PKNOX1: variants seen among roughly 807,000 people sequenced by gnomAD.
PKNOX1 encodes PBX/knotted 1 homeobox 1, also known as homeobox protein PKNOX1.
Under a neutral mutation model 51.9 loss-of-function variants are expected in PKNOX1, and 15 were observed. That is an observed-to-expected ratio of 0.29 (90% CI 0.19 to 0.45). The LOEUF is 0.45. Ranked by LOEUF, PKNOX1 falls within the 20% of genes least tolerant of loss-of-function variation. The probability of loss-of-function intolerance (pLI) is 1.00; values close to 1 mark genes in which losing one functional copy is unlikely to be tolerated. For synonymous variants in PKNOX1, 219 were observed against 211.1 expected (o/e 1.04, Z -0.32); for missense variants, 462 against 547.5 (o/e 0.84, Z 1.56).
intron 1 of PKNOX1, among the ~76,000 whole-genome samples, chr21:42,993,363 C>A (rs2059099001): frequency 6.6e-6 from 1 of 152,160 alleles, no homozygotes; most frequent in African/African-American, 2.4e-5. Flanking sequence ...AGCTTCCAGG[C>A]GCCTTGAGTG....
intron 1 of PKNOX1, among the ~76,000 whole-genome samples, chr21:42,987,251 G>A (rs1302096204): frequency 6.6e-6 from 1 of 150,652 alleles, no homozygotes; most frequent in South Asian, 2.1e-4. Flanking sequence ...GCGTGGTGGC[G>A]CATGCCTGTA....
At chr21:42,981,942 T>C (rs1157779762) in intron 1 of PKNOX1, among the ~76,000 whole-genome samples, 1 of 152,236 alleles carries the variant, frequency 6.6e-6, no homozygotes, top group African/African-American at 2.4e-5. Context: ...GTTTGTGCTC[T>C]GGCAGGATCC....
chr21:42,985,390 A>G (rs954733376), intron 1 of PKNOX1, among the ~76,000 whole-genome samples: 7 of 152,006 alleles, frequency 4.6e-5, no homozygotes, highest in African/African-American at 1.7e-4. Flanking sequence ...GTTGGAGTGC[A>G]GGGGAGTGAT....
intron 5 of PKNOX1, among the ~76,000 whole-genome samples, chr21:43,014,019 CT>C (rs149943829): frequency 3.2e-3 from 390 of 120,404 alleles, no homozygotes; most frequent in African/African-American, 0.01. Context: ...TGTCTTTTGC[CT>C]TTTTTTTTTT....
intron 4 of PKNOX1, among the ~76,000 whole-genome samples, chr21:43,012,397 T>C (rs1979293211): frequency 6.6e-6 from 1 of 151,974 alleles, no homozygotes; most frequent in Admixed American, 6.6e-5. Flanking sequence ...CCATCTCTAC[T>C]AAAAATACAA....
At chr21:42,981,236 G>A (rs1368101777) in intron 1 of PKNOX1, among the ~76,000 whole-genome samples, 1 of 152,240 alleles carries the variant, frequency 6.6e-6, no homozygotes, top group Non-Finnish European at 1.5e-5. Context: ...GCACTCAAGG[G>A]CTGAGAGGCA....
At chr21:43,005,661 T>G (rs1323908253) in intron 2 of PKNOX1, among the ~76,000 whole-genome samples, 1 of 151,924 alleles carries the variant, frequency 6.6e-6, no homozygotes, top group Non-Finnish European at 1.5e-5. Flanking sequence ...GTCTGGCCCC[T>G]CTGGACCCCA....
chr21:43,030,270 TGTGTGTGTGTGTGTGTGTGTGTGC>T lies in PKNOX1; in HGVS notation c.*177_*200del. 3.2e-4 allele frequency: 3 copies of T among 9,338 alleles called. No homozygotes were observed. The highest frequency in any genetic ancestry group is 9.7e-4 in the South Asian group (1 of 1,026). The allele number at this position is 9,338 out of a possible 1,614,324, so 0.6% of individuals were successfully genotyped here. A position where few individuals can be genotyped will look rare whatever the true frequency, so the allele number is the denominator to read the frequency against. ...CAGCGACTTCTTTCAAGTGTGTGTG[TGTGTGTGTGTGTGTGTGTGTGTGC>T]GTGTGTGCGTGTGTGTGGATTTTTA... On this transcript the variant is annotated 3_prime_UTR_variant, in exon 11 of 11. Coordinates refer to ENST00000291547, the MANE Select transcript of PKNOX1 (RefSeq NM_004571.5).
rs1980321727 is a variant in PKNOX1 at position 43,032,529 on chromosome 21, A to C, written c.*2428A>C. On this transcript the variant is annotated 3_prime_UTR_variant, in exon 11 of 11. Coordinates refer to ENST00000291547, the MANE Select transcript of PKNOX1 (RefSeq NM_004571.5). Reference sequence around the variant, plus strand: ...GCTACTCGGGAGTCTGAGGCAGAGGATGGCATGTGCCAGGAGTTTGAGGCT... The same window carrying C: ...GCTACTCGGGAGTCTGAGGCAGAGGCTGGCATGTGCCAGGAGTTTGAGGCT... 4.6e-6 allele frequency: 1 copy of C among 218,724 alleles called. No individual in the cohort carries two copies. Among genetic ancestry groups the C allele is most frequent in the Non-Finnish European group, 9.6e-6 (1 of 104,490 alleles). The allele number at this position is 218,724 out of a possible 1,614,324, so 13.5% of individuals were successfully genotyped here. A position where few individuals can be genotyped will look rare whatever the true frequency, so the allele number is the denominator to read the frequency against.
intron 7 of PKNOX1, among the ~76,000 whole-genome samples, chr21:43,018,526 A>C (rs945036695): frequency 9.4e-6 from 1 of 106,228 alleles, no homozygotes; most frequent in Non-Finnish European, 1.8e-5. Flanking sequence ...ACACACACAG[A>C]GTTATCCAGT....
In PKNOX1 at chr21:42,977,384, C is replaced by T. The variant is rs11908962; in HGVS notation, c.-57+2720C>T. ...TGTCTATATTGAAAATCTGCTTTTT[C>T]GTCTCGCTGCCTTCATCAATGATCT... On this transcript the variant is annotated intron_variant, in intron 1 of 10. Transcript: ENST00000291547. Among the ~76,000 whole-genome samples the T allele has an allele frequency of 4.5e-3, 689 of 152,192 alleles. 4 individuals carry two copies. The highest frequency in any genetic ancestry group is 0.014 in the African/African-American group (587 of 41,524).
rs373731410 is a variant in PKNOX1 at position 43,010,789 on chromosome 21, A to C, written c.351+565A>C. ...TGAGGCAGGAGAATCACTTGAACGC[A>C]GGAGGCGGAAGTTGCAGTGAGCCGA... On this transcript the variant is annotated intron_variant, in intron 4 of 10. Coordinates refer to ENST00000291547, the MANE Select transcript of PKNOX1 (RefSeq NM_004571.5). Among the ~76,000 whole-genome samples, 8 of 152,098 alleles carry C rather than the reference A, an allele frequency of 5.3e-5. No homozygotes were observed. In the South Asian group the frequency reaches 6.2e-4, roughly 12 times the overall value.
rs368969506 is a variant in PKNOX1 at position 43,022,204 on chromosome 21, C to T, written c.849+773C>T. 1.6e-4 allele frequency among the ~76,000 whole-genome samples: 25 copies of T among 152,356 alleles called. No homozygotes were observed. In the East Asian group the frequency reaches 2.9e-3, roughly 18 times the overall value. On this transcript the variant is annotated intron_variant, in intron 8 of 10. Coordinates refer to ENST00000291547, the MANE Select transcript of PKNOX1 (RefSeq NM_004571.5). ...TGTTGTGAGGCTGTGGCCATATCCG[C>T]CTGTGTCCCAGCCTCCTCCTCCTCG...
Position 43,013,203 on chromosome 21 carries a change from G to A in PKNOX1, c.487G>A (p.Glu163Lys), listed in dbSNP as rs772904241. 1.9e-6 allele frequency: 3 copies of A among 1,613,660 alleles called. No individual in the cohort carries two copies. Among genetic ancestry groups the A allele is most frequent in the South Asian group, 2.2e-5 (2 of 90,994 alleles). The change falls in exon 5 of 11, where the codon GAG becomes AAG. Residue 163 changes from glutamate to lysine, a missense_variant. By Grantham distance (56) the Glu-to-Lys change is moderately conservative (BLOSUM62 1). Transcript: ENST00000291547. ...KMNSETLLSG[E>K]PGSPYSPVQS... ...GAACAGTGAAACTCTGTTGAGTGGA[G>A]AGCCTGGAAGCCCGTACTCACCAGT...
chr21:43,023,259 A>G (rs984076436), intron 8 of PKNOX1, among the ~76,000 whole-genome samples: 2 of 152,020 alleles, frequency 1.3e-5, no homozygotes, highest in African/African-American at 2.4e-5. Flanking sequence ...GCTCAGAGCC[A>G]CACACTCATT....
intron 1 of PKNOX1, among the ~76,000 whole-genome samples, chr21:43,001,401 C>T (rs1409521497): frequency 6.6e-6 from 1 of 152,206 alleles, no homozygotes; most frequent in Non-Finnish European, 1.5e-5. Context: ...GCAGCACCCT[C>T]AGCCCCACTC....
Position 43,029,916 on chromosome 21 carries a change from G to T in PKNOX1, c.1126G>T (p.Val376Leu), listed in dbSNP as rs765836231. ...EGAVVTITTP[V>L]NMNVDSLQSL... The stretch of plus-strand genomic sequence containing the variant: ...AGCTGTTGTCACCATCACCACGCCC[G>T]TGAACATGAACGTGGACAGCCTTCA... The change falls in exon 11 of 11, where the codon GTG becomes TTG. Residue 376 changes from valine to leucine, a missense_variant. This residue lies in a region of PKNOX1 where 118 missense variants were observed against 116.8 expected (regional missense o/e 1.01). Coordinates refer to ENST00000291547, the MANE Select transcript of PKNOX1 (RefSeq NM_004571.5). 6.2e-7 allele frequency: 1 copy of T among 1,614,066 alleles called. No homozygotes were observed. Among genetic ancestry groups the T allele is most frequent in the Non-Finnish European group, 8.5e-7 (1 of 1,179,936 alleles).
chr21:42,977,679 C>G (rs7509946), intron 1 of PKNOX1, among the ~76,000 whole-genome samples: 1 of 150,714 alleles, frequency 6.6e-6, no homozygotes. Context: ...TCCGTAGTAG[C>G]TGGGAGTACA....
At chr21:42,977,537 CTTTTTTTTTTTTTTT>C (rs3044504) in intron 1 of PKNOX1, among the ~76,000 whole-genome samples, 1 of 47,116 alleles carries the variant, frequency 2.1e-5, no homozygotes, top group Non-Finnish European at 3.6e-5. Context: ...CTGCTTCCAA[CTTTTTTTTTTTTTTT>C]TTTTTTTTTT....
Sources: allele counts gnomAD v4.1 joint callset (sites outside exome capture counted in the v4.1 genomes callset), GRCh38; gene constraint gnomAD v4.1.1; regional missense constraint gnomAD v4.1.1; transcripts MANE v1.5; gene names NCBI Gene and HGNC (gene_info 2026-07-23, HGNC 2026-07-21).